TENM3: variants seen among roughly 807,000 people sequenced by gnomAD.
TENM3 encodes teneurin-3.
Under a neutral mutation model 255.1 loss-of-function variants are expected in TENM3, and 63 were observed. The ratio of observed to expected loss-of-function variants is 0.25; its 90% CI spans 0.20 to 0.30. TENM3 has a LOEUF of 0.30. Among genes scored for constraint, TENM3 ranks in the 10% least tolerant of loss-of-function variants. The probability of loss-of-function intolerance (pLI) is 1.00; values close to 1 mark genes in which losing one functional copy is unlikely to be tolerated. For synonymous variants in TENM3, 1,306 were observed against 1,322.3 expected, an observed-to-expected ratio of 0.99 and a Z score of 0.27; for missense variants, 2,929 against 3,461.1, an observed-to-expected ratio of 0.85 and a Z score of 3.86.
At chr4:182,539,585 T>G (rs1740662908) in intron 3 of TENM3, among the ~76,000 whole-genome samples, 1 of 152,216 alleles carries the variant, frequency 6.6e-6, no homozygotes, top group African/African-American at 2.4e-5. Flanking sequence ...ATATTGGATG[T>G]GTAAACCAGG....
At chr4:181,598,274 T>A in the TENM3 span, among the ~76,000 whole-genome samples, 1 of 152,226 alleles carries the variant, frequency 6.6e-6, no homozygotes, top group East Asian at 1.9e-4. Flanking sequence ...AGTATTTCTC[T>A]AAGCAGCTTC....
the TENM3 span, among the ~76,000 whole-genome samples, chr4:181,462,982 C>A: frequency 6.6e-6 from 1 of 152,182 alleles, no homozygotes; most frequent in Non-Finnish European, 1.5e-5. Context: ...AGCAAACGAA[C>A]AGCTGGAATT....
At chr4:181,654,249 G>T in the TENM3 span, among the ~76,000 whole-genome samples, 1 of 131,750 alleles carries the variant, frequency 7.6e-6, no homozygotes, top group East Asian at 2.4e-4. Flanking sequence ...AAAAAAAAAA[G>T]AAGTCCAAAC....
upstream of TENM3, among the ~76,000 whole-genome samples, chr4:182,239,676 G>A (rs1432386208): frequency 6.6e-6 from 1 of 152,104 alleles, no homozygotes; most frequent in Non-Finnish European, 1.5e-5. Context: ...AACCAAATAG[G>A]GGCGGAGACA....
At chr4:182,365,034 T>C (rs1028578054) in intron 3 of TENM3, among the ~76,000 whole-genome samples, 1 of 152,214 alleles carries the variant, frequency 6.6e-6, no homozygotes, top group East Asian at 1.9e-4. Context: ...CCCAACAGTA[T>C]ACAAAAGTGC....
At chr4:181,900,616 C>T in the TENM3 span, among the ~76,000 whole-genome samples, 1 of 152,170 alleles carries the variant, frequency 6.6e-6, no homozygotes, top group Non-Finnish European at 1.5e-5. Flanking sequence ...AGTCTCCAAG[C>T]CCCTTGAGTC....
chr4:182,641,110 A>G (rs1752265847), intron 5 of TENM3, among the ~76,000 whole-genome samples: 1 of 152,228 alleles, frequency 6.6e-6, no homozygotes, highest in Admixed American at 6.5e-5. Flanking sequence ...TGAGTGATAA[A>G]CAACAAATCA....
chr4:182,287,395 A>G (rs1354083407), intron 1 of TENM3, among the ~76,000 whole-genome samples: 1 of 152,154 alleles, frequency 6.6e-6, no homozygotes, highest in Non-Finnish European at 1.5e-5. Context: ...ATTTCAGAGA[A>G]TGTGCATCTG....
the TENM3 span, among the ~76,000 whole-genome samples, chr4:182,064,712 C>T: frequency 1.3e-5 from 2 of 152,092 alleles, no homozygotes; most frequent in African/African-American, 2.4e-5. Flanking sequence ...TTGCTTGCCC[C>T]GGGGAGAGAC....
At chr4:181,811,936 T>C in the TENM3 span, among the ~76,000 whole-genome samples, 1 of 152,232 alleles carries the variant, frequency 6.6e-6, no homozygotes, top group Non-Finnish European at 1.5e-5. Flanking sequence ...CTTCGAAAAC[T>C]AGATTGAGTG....
the TENM3 span, among the ~76,000 whole-genome samples, chr4:181,914,237 C>T: frequency 6.6e-6 from 1 of 152,186 alleles, no homozygotes; most frequent in East Asian, 1.9e-4. Flanking sequence ...ATTATTTGCC[C>T]TTCTTTAGCA....
At chr4:182,298,003 A>G (rs1761602625) in intron 1 of TENM3, among the ~76,000 whole-genome samples, 1 of 152,130 alleles carries the variant, frequency 6.6e-6, no homozygotes, top group Non-Finnish European at 1.5e-5. Context: ...CACTCACTGC[A>G]CTTCCTCGGA....
At chr4:181,931,776 A>G in the TENM3 span, among the ~76,000 whole-genome samples, 52 of 152,182 alleles carry the variant, frequency 3.4e-4, no homozygotes, top group Non-Finnish European at 6.8e-4. Flanking sequence ...ATACTACAAG[A>G]CTACAGTAAC....
intron 1 of TENM3, among the ~76,000 whole-genome samples, chr4:182,293,065 C>A (rs1761226091): frequency 6.6e-6 from 1 of 152,224 alleles, no homozygotes; most frequent in Non-Finnish European, 1.5e-5. Context: ...TTATTAAGTG[C>A]CTCACTACAT....
chr4:182,468,041 A>C (rs139021007), intron 3 of TENM3, among the ~76,000 whole-genome samples: 185 of 152,300 alleles, frequency 1.2e-3, no homozygotes, highest in African/African-American at 4.3e-3. Context: ...TGAAACTTAA[A>C]TTCATAATAA....
chr4:181,814,004 T>C, the TENM3 span, among the ~76,000 whole-genome samples: 1 of 152,096 alleles, frequency 6.6e-6, no homozygotes, highest in East Asian at 1.9e-4. Context: ...TGTAGTGAAA[T>C]ATATACTACC....
At chr4:181,530,362 C>T in the TENM3 span, among the ~76,000 whole-genome samples, 12 of 152,290 alleles carry the variant, frequency 7.9e-5, no homozygotes, top group Admixed American at 5.9e-4. Flanking sequence ...TAGCCATCAG[C>T]GCGTGGAGGT....
chr4:181,874,182 CT>C, the TENM3 span, among the ~76,000 whole-genome samples: 217 of 152,050 alleles, frequency 1.4e-3, 1 homozygote, highest in African/African-American at 4.8e-3. Flanking sequence ...GCCTCCCAAA[CT>C]GCTGAGATTA....
the TENM3 span, among the ~76,000 whole-genome samples, chr4:181,904,715 G>T: frequency 2.6e-5 from 4 of 152,092 alleles, no homozygotes; most frequent in African/African-American, 9.7e-5. Flanking sequence ...ACTGCATCCA[G>T]GTCCCTGCTG....
Sources: gnomAD v4.1 joint callset for allele counts (sites outside exome capture counted in the v4.1 genomes callset) on GRCh38, gnomAD v4.1.1 for gene constraint, MANE v1.5 for transcripts, NCBI Gene and HGNC (gene_info 2026-07-23, HGNC 2026-07-21) for gene names.